The following PCDHGA8 variants were observed in gnomAD, a reference collection of about 807,000 sequenced individuals.
PCDHGA8 encodes the protein protocadherin gamma subfamily A, 8.
In PCDHGA8, 45 loss-of-function variants were observed where a neutral mutation model predicts 59.2. The ratio of observed to expected loss-of-function variants is 0.76; its 90% CI spans 0.60 to 0.98. The LOEUF (loss-of-function observed/expected upper bound fraction) is 0.98. Among genes scored for constraint, PCDHGA8 ranks in the 50% least tolerant of loss-of-function variants. PCDHGA8 has a pLI of 0.00. For missense variants in PCDHGA8, 1,257 were observed against 1,196.2 expected (o/e 1.05, Z -0.75); for synonymous variants, 531 against 519.0 (o/e 1.02, Z -0.32).
At chr5:141,448,215 C>T (rs927573458) in intron 1 of PCDHGA8, among the ~76,000 whole-genome samples, 5 of 152,046 alleles carry the variant, frequency 3.3e-5, no homozygotes, top group African/African-American at 9.7e-5. Flanking sequence ...TGTGTGTATG[C>T]GAATGTATGT....
chr5:141,423,647 C>T (rs775169904), intron 1 of PCDHGA8: 3 of 1,589,144 alleles, frequency 1.9e-6, no homozygotes, highest in Non-Finnish European at 2.6e-6. Flanking sequence ...AAATGTGACC[C>T]GACAAGTAAT....
chr5:141,428,624 C>CT, intron 1 of PCDHGA8: 1 of 193,988 alleles, frequency 5.2e-6, no homozygotes, highest in South Asian at 1.1e-4. Context: ...AAGATAAGCT[C>CT]TAACTCTGTT....
intron 1 of PCDHGA8, among the ~76,000 whole-genome samples, chr5:141,456,244 T>C (rs1382294283): frequency 6.6e-6 from 1 of 152,144 alleles, no homozygotes; most frequent in East Asian, 1.9e-4. Context: ...GTTAGGAGGC[T>C]TTGGGCGACC....
chr5:141,482,890 G>C (rs577635020), intron 1 of PCDHGA8, among the ~76,000 whole-genome samples: 10 of 152,274 alleles, frequency 6.6e-5, no homozygotes, highest in African/African-American at 2.4e-4. Flanking sequence ...TGGCCAACAT[G>C]GTGAAACCTC....
At position 141,399,361 on chromosome 5, in the gene PCDHGA8, C is replaced by T. The variant is rs375619778; in HGVS notation, c.2424+4124C>T. 7.2e-5 allele frequency: 117 copies of T among 1,613,842 alleles called. No individual in the cohort carries two copies. Among genetic ancestry groups the T allele is most frequent in the Non-Finnish European group, 9.7e-5 (115 of 1,179,910 alleles). ...TGGAACCCTAGACCGAGAGCAAACC[C>T]CGGAGTACAATGTCACCATCACAGC... On this transcript the variant is annotated intron_variant, in intron 1 of 3. Transcript: ENST00000398604.
chr5:141,489,348 G>T lies in PCDHGA8; in HGVS notation c.2425-5459G>T. On this transcript the variant is annotated intron_variant, in intron 1 of 3. Coordinates refer to ENST00000398604, the MANE Select transcript of PCDHGA8 (RefSeq NM_032088.2). The surrounding 1 kb of genome is among the most constrained non-coding windows in gnomAD (Gnocchi z 4.5). ...CTGGGCAGCTTCGTTACTCAGTGGT[G>T]GAGGAGTCTGAGCCGGGGACGCTGG... is the stretch of plus-strand genomic sequence containing the variant. 1 of 1,611,876 alleles carries T rather than the reference G, an allele frequency of 6.2e-7. No homozygotes were observed. The highest frequency in any genetic ancestry group is 8.5e-7 in the Non-Finnish European group (1 of 1,178,502).
At chr5:141,505,332 A>C in intron 2 of PCDHGA8, 61 bp from the exon 3 acceptor site, 1 of 1,610,872 alleles carries the variant, frequency 6.2e-7, no homozygotes, top group South Asian at 1.1e-5. Flanking sequence ...GGGAGAGGAC[A>C]GGAGGGGCAT....
chr5:141,404,886 C>T (rs1248535405), intron 1 of PCDHGA8: 2 of 1,613,906 alleles, frequency 1.2e-6, no homozygotes, highest in South Asian at 1.1e-5. Context: ...CTTGTGGTGG[C>T]TGTACAGGAC....
chr5:141,421,695 T>C (rs374319762), intron 1 of PCDHGA8: 15 of 1,613,840 alleles, frequency 9.3e-6, no homozygotes, highest in Non-Finnish European at 1.2e-5. Context: ...TTGCTCTTCC[T>C]AATGCTAGGG....
At chr5:141,449,537 C>A (rs1377909573) in intron 1 of PCDHGA8, among the ~76,000 whole-genome samples, 1 of 146,334 alleles carries the variant, frequency 6.8e-6, no homozygotes, top group Non-Finnish European at 1.5e-5. Flanking sequence ...TGCAGTGAGC[C>A]GAGATCGCAC....
chr5:141,494,746 C>A lies in PCDHGA8; in HGVS notation c.2425-61C>A. 3 of 1,613,088 alleles carry A rather than the reference C, an allele frequency of 1.9e-6. No individual in the cohort carries two copies. The South Asian group carries it at 3.3e-5, about 18-fold the overall frequency. On this transcript the variant is annotated intron_variant, in intron 1 of 3. Coordinates refer to ENST00000398604, the MANE Select transcript of PCDHGA8 (RefSeq NM_032088.2). ...TTCTCTCCCGGCCCATCCCTAGGGG[C>A]TCGGGTGACATTCTAACTTCTCACG...
chr5:141,419,264 G>T (rs2096351955), intron 1 of PCDHGA8: 1 of 1,614,036 alleles, frequency 6.2e-7, no homozygotes, highest in Non-Finnish European at 8.5e-7. Context: ...CCAGCCGGGT[G>T]CCTCCATAGC....
Position 141,510,990 on chromosome 5 carries a change from C to T in PCDHGA8, c.2616C>T (p.Thr872=). ...GSSTLGGGAG[T]MGLSARYGPQ... ...CCACCCTGGGAGGGGGTGCCGGCAC[C>T]ATGGGATTGAGCGCCCGCTACGGAC... The change falls in exon 4 of 4, where the codon ACC becomes ACT. Residue 872 remains threonine, a synonymous_variant. Transcript: ENST00000398604. The T allele has an allele frequency of 2.5e-6, 4 of 1,614,166 alleles. No homozygotes were observed. Among genetic ancestry groups the T allele is most frequent in the Non-Finnish European group, 3.4e-6 (4 of 1,180,014 alleles).
intron 1 of PCDHGA8, among the ~76,000 whole-genome samples, chr5:141,484,760 A>G (rs1472178052): frequency 2.0e-5 from 3 of 151,880 alleles, no homozygotes; most frequent in South Asian, 2.1e-4. Flanking sequence ...GTATATATAT[A>G]TATATGTTGT....
Position 141,432,741 on chromosome 5 carries a change from C to A in PCDHGA8, c.2424+37504C>A. 6.2e-7 allele frequency: 1 copy of A among 1,614,106 alleles called. No individual in the cohort carries two copies. The highest frequency in any genetic ancestry group is 8.5e-7 in the Non-Finnish European group (1 of 1,179,988). On this transcript the variant is annotated intron_variant, in intron 1 of 3. Transcript: ENST00000398604. The surrounding 1 kb of genome is among the most constrained non-coding windows in gnomAD (Gnocchi z 6.0). ...CCTCTCTCCGCCACTGTCACGCTCA[C>A]CGTGGCCGTGGCCGACAGCATCCCC...
chr5:141,432,104 C>T lies in PCDHGA8; in HGVS notation c.2424+36867C>T. The stretch of plus-strand genomic sequence containing the variant: ...GAACGTGGCAGACACCAACGACAAC[C>T]CGCCGGTCTTCCCTCAGGCCTCCTA... On this transcript the variant is annotated intron_variant, in intron 1 of 3. Coordinates refer to ENST00000398604, the MANE Select transcript of PCDHGA8 (RefSeq NM_032088.2). This position sits in a 1 kb window ranked among gnomAD's most constrained non-coding sequence, Gnocchi z 6.0. 1 of 1,614,204 alleles carries T rather than the reference C, an allele frequency of 6.2e-7. No individual in the cohort carries two copies. The highest frequency in any genetic ancestry group is 1.7e-5 in the Admixed American group (1 of 60,026).
chr5:141,469,762 A>G (rs547099941), intron 1 of PCDHGA8, among the ~76,000 whole-genome samples: 15 of 152,360 alleles, frequency 9.8e-5, no homozygotes, highest in African/African-American at 3.4e-4. Flanking sequence ...ATACATATAT[A>G]CCAGCTTATT....
Position 141,419,025 on chromosome 5 carries a change from G to T in PCDHGA8, c.2424+23788G>T, listed in dbSNP as rs2096315076. 6.2e-6 allele frequency: 10 copies of T among 1,613,736 alleles called. No homozygotes were observed. In the East Asian group the frequency reaches 2.0e-4, roughly 32 times the overall value. On this transcript the variant is annotated intron_variant, in intron 1 of 3. Transcript: ENST00000398604. ...GAAGTCAGGTGTAGCTTAAGTAGAG[G>T]TGTTCCATTTAAGATTCATTCTTCT...
At chr5:141,405,096 G>A (rs2094608531) in intron 1 of PCDHGA8, 6 of 1,613,808 alleles carry the variant, frequency 3.7e-6, no homozygotes, top group Admixed American at 1.7e-5. Flanking sequence ...CTGGCCCTCA[G>A]GCTGAGGCAC....
Sources: gnomAD v4.1 joint callset for allele counts (sites outside exome capture counted in the v4.1 genomes callset) on GRCh38, gnomAD v4.1.1 for gene constraint, Gnocchi (gnomAD v3.1) non-coding constraint, MANE v1.5 for transcripts, NCBI Gene and HGNC (gene_info 2026-07-23, HGNC 2026-07-21) for gene names.